Variants in PDIA5 observed in about 807,000 individuals in gnomAD.
PDIA5 encodes protein disulfide isomerase family A member 5.
Under a neutral mutation model 77.6 loss-of-function variants are expected in PDIA5, and 58 were observed. The observed-to-expected ratio is 0.75, with a 90% CI of 0.61 to 0.93. The LOEUF (loss-of-function observed/expected upper bound fraction) is 0.93, where lower values mean the gene tolerates loss of function less well. PDIA5 is among the 40% of genes least tolerant of loss of function. The probability of loss-of-function intolerance (pLI) is 0.00; values close to 1 mark genes in which losing one functional copy is unlikely to be tolerated. For synonymous variants in PDIA5, 250 were observed against 252.1 expected (o/e 0.99, Z 0.08); for missense variants, 630 against 647.7 (o/e 0.97, Z 0.30).
intron 6 of PDIA5, among the ~76,000 whole-genome samples, chr3:123,108,885 C>CAAAAAAAAAAAAAAAAAAAAA (rs375336044): frequency 2.6e-5 from 4 of 151,170 alleles, no homozygotes; most frequent in African/African-American, 9.8e-5. Flanking sequence ...GACTCCTTCT[C>CAAAAAAAAAAAAAAAAAAAAA]AAAAAAAAGC....
At chr3:123,140,786 T>C (rs564172233) in intron 11 of PDIA5, among the ~76,000 whole-genome samples, 5 of 152,286 alleles carry the variant, frequency 3.3e-5, no homozygotes, top group Middle Eastern at 3.4e-3. Context: ...GCTTTCCTTA[T>C]AGAGGTGGGG....
In PDIA5 at chr3:123,106,760, C is replaced by CT; in HGVS notation, c.404dup (p.Leu135PhefsTer23). The CT allele has an allele frequency of 6.2e-7, 1 of 1,611,446 alleles. No individual in the cohort carries two copies. The highest frequency in any genetic ancestry group is 1.1e-5 in the South Asian group (1 of 90,894). ...TTTTTTTCCCTCAGTCCATAGTGGCCTTTTTGAAGGATCCAAAAGGGCCCC... is the reference window on the plus strand; with the variant it reads ...TTTTTTTCCCTCAGTCCATAGTGGCCTTTTTTGAAGGATCCAAAAGGGCCCC... On this transcript the variant is annotated frameshift_variant, in exon 6 of 17. Transcript: ENST00000316218. LOFTEE classifies it high-confidence loss of function.
At chr3:123,119,805 T>C (rs529935115) in intron 8 of PDIA5, among the ~76,000 whole-genome samples, 5 of 152,236 alleles carry the variant, frequency 3.3e-5, no homozygotes, top group Non-Finnish European at 7.3e-5. Flanking sequence ...CACTTCTTCA[T>C]CTCTGTCATC....
chr3:123,113,430 G>C (rs979425706), intron 7 of PDIA5, among the ~76,000 whole-genome samples: 1 of 152,176 alleles, frequency 6.6e-6, no homozygotes, highest in Non-Finnish European at 1.5e-5. Flanking sequence ...TTACAGAAGA[G>C]AAAGCTGGGG....
Position 123,145,602 on chromosome 3 carries a change from C to T in PDIA5, c.981+10C>T. 2 of 1,599,642 alleles carry T rather than the reference C, an allele frequency of 1.3e-6. No homozygotes were observed. Among genetic ancestry groups the T allele is most frequent in the African/African-American group, 1.3e-5 (1 of 74,720 alleles). ...CCATGGAGAAGCGGATGTAAGCTTC[C>T]TTTCCTTCCCCCTCACCGTTCTCTT... On this transcript the variant is annotated intron_variant, in intron 12 of 16. Transcript: ENST00000316218.
chr3:123,100,606 T>C (rs577964756), intron 3 of PDIA5, among the ~76,000 whole-genome samples: 1 of 152,264 alleles, frequency 6.6e-6, no homozygotes, highest in South Asian at 2.1e-4. Context: ...CTGGGACTAG[T>C]AGGGAGGAAA....
Position 123,067,123 on chromosome 3 carries a change from C to T in PDIA5, c.-42C>T. 8.1e-7 allele frequency: 1 copy of T among 1,239,558 alleles called. No individual in the cohort carries two copies. Among genetic ancestry groups the T allele is most frequent in the African/African-American group, 1.6e-5 (1 of 64,498 alleles). 76.8% of individuals were successfully genotyped at this position (1,239,558 alleles called of 1,614,324 possible). A position where few individuals can be genotyped will look rare whatever the true frequency, so the allele number is the denominator to read the frequency against. The stretch of plus-strand genomic sequence containing the variant: ...GCAGGCGGGCGGGCGGGAGCGGGCG[C>T]CGGAGTGGAGAAAGGAGCCAGCGGT... On this transcript the variant is annotated 5_prime_UTR_variant, in exon 1 of 17. Transcript: ENST00000316218.
intron 15 of PDIA5, among the ~76,000 whole-genome samples, chr3:123,157,157 A>T (rs547609947): frequency 1.5e-4 from 23 of 152,172 alleles, no homozygotes; most frequent in African/African-American, 5.1e-4. Context: ...CCTCACTTGC[A>T]TTCAGGAATG....
intron 15 of PDIA5, 94 bp from the exon 16 acceptor site, chr3:123,161,227 C>A: frequency 7.5e-7 from 1 of 1,330,902 alleles, no homozygotes; most frequent in Non-Finnish European, 1.0e-6. Context: ...TCAGAGTGGG[C>A]CTGTGACGTG....
At chr3:123,107,105 C>T (rs1934754563) in intron 6 of PDIA5, among the ~76,000 whole-genome samples, 1 of 152,196 alleles carries the variant, frequency 6.6e-6, no homozygotes, top group African/African-American at 2.4e-5. Context: ...TTTAGATTTT[C>T]CATACATTAA....
intron 10 of PDIA5, 115 bp from the exon 11 acceptor site, chr3:123,130,365 C>G (rs979445101): frequency 4.3e-5 from 50 of 1,170,854 alleles, no homozygotes; most frequent in Non-Finnish European, 5.6e-5. Context: ...AGGCTGAGCC[C>G]CTGGAGTGGG....
At chr3:123,137,157 C>T (rs1307707578) in intron 11 of PDIA5, among the ~76,000 whole-genome samples, 1 of 152,192 alleles carries the variant, frequency 6.6e-6, no homozygotes, top group East Asian at 1.9e-4. Context: ...TTCCCAAACC[C>T]AGCGGGTGAC....
At chr3:123,111,695 C>T (rs946354029) in intron 7 of PDIA5, among the ~76,000 whole-genome samples, 3 of 152,332 alleles carry the variant, frequency 2.0e-5, no homozygotes, top group African/African-American at 7.2e-5. Context: ...ACAGCAGTGG[C>T]TTTCAAACTT....
chr3:123,155,908 A>C (rs1936011488), intron 15 of PDIA5, among the ~76,000 whole-genome samples: 1 of 152,150 alleles, frequency 6.6e-6, no homozygotes, highest in Non-Finnish European at 1.5e-5. Flanking sequence ...TAAGCTGAGC[A>C]TAGAGTCCTA....
chr3:123,126,893 T>C (rs1045513883), intron 10 of PDIA5, among the ~76,000 whole-genome samples: 29 of 152,164 alleles, frequency 1.9e-4, no homozygotes, highest in African/African-American at 6.7e-4. Context: ...GGCATCTGAG[T>C]GTATGAGGGC....
intron 1 of PDIA5, among the ~76,000 whole-genome samples, chr3:123,081,790 G>A (rs1481360829): frequency 6.6e-6 from 1 of 152,214 alleles, no homozygotes; most frequent in Non-Finnish European, 1.5e-5. Flanking sequence ...CAGAGAATGC[G>A]AGGGTGCTGG....
At chr3:123,089,905 G>A (rs1406579894) in intron 2 of PDIA5, among the ~76,000 whole-genome samples, 1 of 152,258 alleles carries the variant, frequency 6.6e-6, no homozygotes, top group Non-Finnish European at 1.5e-5. Context: ...CATAGCAGAT[G>A]GAGAGAGGTT....
intron 7 of PDIA5, among the ~76,000 whole-genome samples, chr3:123,113,872 G>A (rs1215074552): frequency 1.3e-5 from 2 of 152,192 alleles, no homozygotes; most frequent in Non-Finnish European, 2.9e-5. Flanking sequence ...AAATAAAAAG[G>A]CTGACTACTC....
intron 5 of PDIA5, among the ~76,000 whole-genome samples, chr3:123,105,503 A>G (rs975963242): frequency 2.6e-5 from 4 of 152,202 alleles, no homozygotes; most frequent in African/African-American, 9.7e-5. Flanking sequence ...TGTGGCAGAA[A>G]TGGCTGTTCT....
Sources: allele counts gnomAD v4.1 joint callset (sites outside exome capture counted in the v4.1 genomes callset), GRCh38; gene constraint gnomAD v4.1.1; transcripts MANE v1.5; gene names NCBI Gene and HGNC (gene_info 2026-07-23, HGNC 2026-07-21).